The following FGD4 variants were observed in gnomAD, a reference collection of about 807,000 sequenced individuals.
FGD4 encodes FYVE, RhoGEF and PH domain-containing protein 4.
Under a neutral mutation model 102.0 loss-of-function variants are expected in FGD4, and 42 were observed. The observed-to-expected ratio is 0.41, with a 90% CI of 0.32 to 0.53. The LOEUF is 0.53. Ranked by LOEUF, FGD4 falls within the 20% of genes least tolerant of loss-of-function variation. FGD4 has a pLI of 0.21. For missense variants in FGD4, 902 were observed against 1,078.2 expected (o/e 0.84, Z 2.29); for synonymous variants, 380 against 375.7 (o/e 1.01, Z -0.13).
At chr12:32,424,715 C>T (rs1394340505) in intron 1 of FGD4, among the ~76,000 whole-genome samples, 1 of 152,232 alleles carries the variant, frequency 6.6e-6, no homozygotes, top group Non-Finnish European at 1.5e-5. Flanking sequence ...TATTTCTCCA[C>T]ATCCTCTCCA....
intron 1 of FGD4, among the ~76,000 whole-genome samples, chr12:32,405,238 A>C (rs1418707381): frequency 6.9e-6 from 1 of 145,126 alleles, no homozygotes; most frequent in East Asian, 2.0e-4. Context: ...TGGCTCCAAG[A>C]ACAGTTTAAA....
chr12:32,526,728 C>T (rs1237414951), intron 1 of FGD4, among the ~76,000 whole-genome samples: 1 of 152,166 alleles, frequency 6.6e-6, no homozygotes, highest in African/African-American at 2.4e-5. Flanking sequence ...CTTTTATGAG[C>T]TGTAACACTC....
At chr12:32,483,205 C>T (rs1943809854) in intron 1 of FGD4, among the ~76,000 whole-genome samples, 3 of 152,130 alleles carry the variant, frequency 2.0e-5, no homozygotes. Flanking sequence ...TTCTGAAATT[C>T]AAGCATGTGT....
intron 4 of FGD4, among the ~76,000 whole-genome samples, chr12:32,596,794 C>G (rs4931027): frequency 0.48 from 72,062 of 151,336 alleles, 18,983 homozygotes; most frequent in African/African-American, 0.72. Flanking sequence ...AATTAGCCGG[C>G]CGTCGTGGTG....
chr12:32,463,657 A>G (rs1249279841), intron 1 of FGD4, among the ~76,000 whole-genome samples: 2 of 152,162 alleles, frequency 1.3e-5, no homozygotes, highest in African/African-American at 2.4e-5. Context: ...AAGCCTGTGA[A>G]ATAGGGGGAG....
chr12:32,633,961 G>A (rs1565933351), intron 15 of FGD4, among the ~76,000 whole-genome samples: 1 of 152,222 alleles, frequency 6.6e-6, no homozygotes, highest in Admixed American at 6.5e-5. Flanking sequence ...GGGATTACAG[G>A]CATGAGCCAA....
chr12:32,405,888 C>T (rs1044291164), intron 1 of FGD4, among the ~76,000 whole-genome samples: 3 of 151,424 alleles, frequency 2.0e-5, no homozygotes, highest in African/African-American at 7.3e-5. Flanking sequence ...TTTTCAAATA[C>T]GCATTTGCTG....
At chr12:32,502,603 C>T in intron 1 of FGD4, among the ~76,000 whole-genome samples, 1 of 152,162 alleles carries the variant, frequency 6.6e-6, no homozygotes, top group East Asian at 1.9e-4. Flanking sequence ...AAAGGACAGT[C>T]ATTTTTAATG....
chr12:32,540,972 T>C (rs1403160187), intron 1 of FGD4, among the ~76,000 whole-genome samples: 3 of 152,244 alleles, frequency 2.0e-5, no homozygotes, highest in Non-Finnish European at 4.4e-5. Flanking sequence ...CGTTATATCA[T>C]TGAATGAATA....
At chr12:32,599,443 G>A (rs1188521439) in intron 5 of FGD4, among the ~76,000 whole-genome samples, 6 of 100,426 alleles carry the variant, frequency 6.0e-5, no homozygotes, top group East Asian at 5.1e-4. Context: ...GCAGTGAGCC[G>A]AGATCGCGCC....
At chr12:32,412,887 C>T (rs576049065) in intron 1 of FGD4, among the ~76,000 whole-genome samples, 57 of 143,890 alleles carry the variant, frequency 4.0e-4, no homozygotes, top group African/African-American at 1.5e-3. Context: ...TCCAGAGACC[C>T]CTTTTCTAGA....
chr12:32,553,989 G>T (rs947855958), intron 1 of FGD4, among the ~76,000 whole-genome samples: 2 of 152,142 alleles, frequency 1.3e-5, no homozygotes, highest in Non-Finnish European at 2.9e-5. Context: ...CTACTCAGGA[G>T]GCTGAGGTGG....
chr12:32,560,876 G>A (rs1944490064), intron 1 of FGD4, among the ~76,000 whole-genome samples: 1 of 151,732 alleles, frequency 6.6e-6, no homozygotes, highest in African/African-American at 2.4e-5. Context: ...TTTTTTTTAA[G>A]TAAAGGCAGG....
Position 32,547,894 on chromosome 12 carries a change from C to T in FGD4, c.167-16243C>T, listed in dbSNP as rs1022421321. Among the ~76,000 whole-genome samples the T allele has an allele frequency of 5.3e-5, 8 of 152,034 alleles. No individual in the cohort carries two copies. In the East Asian group the frequency reaches 7.7e-4, roughly 15 times the overall value. On this transcript the variant is annotated intron_variant, in intron 1 of 16. Coordinates refer to ENST00000534526, the MANE Select transcript of FGD4 (RefSeq NM_001370298.3). ...GCTAATTTTTATTTTTTAGTAGAGA[C>T]GGGGTTTTACCATGTTGGCCAGACT...
chr12:32,422,069 G>A (rs919528426), intron 1 of FGD4, among the ~76,000 whole-genome samples: 22 of 151,066 alleles, frequency 1.5e-4, no homozygotes, highest in Non-Finnish European at 3.1e-4. Context: ...GCGTGAACCC[G>A]GGAGGCTGAG....
In FGD4 at chr12:32,520,808, A is replaced by C. The variant is rs1052665709; in HGVS notation, c.167-43329A>C. On this transcript the variant is annotated intron_variant, in intron 1 of 16. Transcript: ENST00000534526. ...CTAACTCTTACCTACATTGTGTGCG[A>C]ATATGCATACTAGGGGATGCATGCC... 3.2e-4 allele frequency among the ~76,000 whole-genome samples: 48 copies of C among 152,166 alleles called. 1 individual carries two copies. Among genetic ancestry groups the C allele is most frequent in the African/African-American group, 9.9e-4 (41 of 41,440 alleles).
chr12:32,473,972 C>T (rs1241595237), intron 1 of FGD4, among the ~76,000 whole-genome samples: 2 of 151,876 alleles, frequency 1.3e-5, no homozygotes, highest in African/African-American at 2.4e-5. Context: ...CCTGTAGTCC[C>T]AGCTACTCGG....
intron 1 of FGD4, among the ~76,000 whole-genome samples, chr12:32,482,384 A>G (rs1164625117): frequency 6.6e-6 from 1 of 152,196 alleles, no homozygotes; most frequent in Non-Finnish European, 1.5e-5. Flanking sequence ...CAGCTTACCA[A>G]TGGTAGCTTA....
chr12:32,414,274 C>T (rs1295452415), intron 1 of FGD4, among the ~76,000 whole-genome samples: 1 of 151,896 alleles, frequency 6.6e-6, no homozygotes, highest in African/African-American at 2.4e-5. Context: ...ACCCAGCCTA[C>T]TTCTTTTTTT....
Sources: allele counts gnomAD v4.1 joint callset (sites outside exome capture counted in the v4.1 genomes callset), GRCh38; gene constraint gnomAD v4.1.1; transcripts MANE v1.5; gene names NCBI Gene and HGNC (gene_info 2026-07-23, HGNC 2026-07-21).